Variants in SH2D4B observed in about 807,000 individuals in gnomAD.
SH2D4B encodes SH2 domain-containing protein 4B.
Under a neutral mutation model 61.5 loss-of-function variants are expected in SH2D4B, and 45 were observed. That is an observed-to-expected ratio of 0.73 (90% confidence interval 0.58 to 0.94). The LOEUF is 0.94. Among genes scored for constraint, SH2D4B ranks in the 40% least tolerant of loss-of-function variants. The pLI, the probability that SH2D4B is intolerant of heterozygous loss-of-function variation, is 0.00. For missense variants in SH2D4B, 572 were observed against 574.2 expected (o/e 1.00, Z 0.04); for synonymous variants, 224 against 220.4 (o/e 1.02, Z -0.14).
At chr10:80,631,715 A>G (rs1842836386) in intron 6 of SH2D4B, among the ~76,000 whole-genome samples, 1 of 152,210 alleles carries the variant, frequency 6.6e-6, no homozygotes, top group African/African-American at 2.4e-5. Flanking sequence ...AGAAAGACAA[A>G]TACCTCATGA....
At chr10:80,590,391 C>T (rs1327142225) in intron 4 of SH2D4B, among the ~76,000 whole-genome samples, 1 of 152,200 alleles carries the variant, frequency 6.6e-6, no homozygotes. Flanking sequence ...AAGCCCTTTA[C>T]TGTCCCTACG....
chr10:80,591,505 C>CT (rs763446349), intron 4 of SH2D4B, among the ~76,000 whole-genome samples: 33,410 of 108,660 alleles, frequency 0.31, 6,902 homozygotes, highest in African/African-American at 0.51. Flanking sequence ...GCCAAACTGG[C>CT]TTTTTTTTTT....
intron 6 of SH2D4B, among the ~76,000 whole-genome samples, chr10:80,611,162 C>T (rs983295752): frequency 7.2e-5 from 8 of 111,410 alleles, no homozygotes; most frequent in Non-Finnish European, 9.9e-5. Context: ...GCAACCAGAG[C>T]GAGACTCAGT....
chr10:80,552,124 C>T (rs1841769404), intron 1 of SH2D4B, among the ~76,000 whole-genome samples: 1 of 152,208 alleles, frequency 6.6e-6, no homozygotes, highest in African/African-American at 2.4e-5. Flanking sequence ...AATACCATTA[C>T]ACTGGGACTA....
intron 3 of SH2D4B, among the ~76,000 whole-genome samples, chr10:80,586,715 G>C (rs1842254890): frequency 6.6e-6 from 1 of 152,178 alleles, no homozygotes; most frequent in South Asian, 2.1e-4. Context: ...AGCCAGCAGT[G>C]GCAACGGGCT....
At chr10:80,608,439 C>T (rs1842546732) in intron 5 of SH2D4B, among the ~76,000 whole-genome samples, 1 of 152,172 alleles carries the variant, frequency 6.6e-6, no homozygotes, top group African/African-American at 2.4e-5. Flanking sequence ...TGATTTCATG[C>T]ACCATGGTGT....
intron 1 of SH2D4B, among the ~76,000 whole-genome samples, chr10:80,545,303 G>A (rs1841658593): frequency 1.3e-5 from 2 of 151,864 alleles, no homozygotes; most frequent in South Asian, 2.1e-4. Context: ...TTCTGTCTCC[G>A]CGAATTTGCC....
At chr10:80,594,669 G>A (rs553438374) in intron 4 of SH2D4B, among the ~76,000 whole-genome samples, 1 of 152,274 alleles carries the variant, frequency 6.6e-6, no homozygotes, top group African/African-American at 2.4e-5. Context: ...CACTTGTTAT[G>A]AACCTTTTTC....
chr10:80,547,423 A>G (rs922776875), intron 1 of SH2D4B, among the ~76,000 whole-genome samples: 1 of 152,138 alleles, frequency 6.6e-6, no homozygotes, highest in African/African-American at 2.4e-5. Context: ...CCCTTGGACT[A>G]TCTAGGGAGC....
intron 1 of SH2D4B, among the ~76,000 whole-genome samples, chr10:80,552,947 C>T (rs1453218888): frequency 6.6e-6 from 1 of 151,872 alleles, no homozygotes; most frequent in Non-Finnish European, 1.5e-5. Flanking sequence ...CGGAGTTTTG[C>T]TCTTGCTGCC....
chr10:80,611,198 A>C (rs1459850472), intron 6 of SH2D4B, among the ~76,000 whole-genome samples: 6 of 151,350 alleles, frequency 4.0e-5, no homozygotes, highest in Admixed American at 2.6e-4. Flanking sequence ...AAAAAAAAAA[A>C]AAAAACATTG....
At chr10:80,545,393 C>T (rs1038257398) in intron 1 of SH2D4B, among the ~76,000 whole-genome samples, 15 of 152,036 alleles carry the variant, frequency 9.9e-5, no homozygotes, top group African/African-American at 3.6e-4. Context: ...TTCTCCTCCT[C>T]CTCTCCTCTT....
At chr10:80,545,905 A>T (rs550629446) in intron 1 of SH2D4B, among the ~76,000 whole-genome samples, 1 of 152,348 alleles carries the variant, frequency 6.6e-6, no homozygotes, top group South Asian at 2.1e-4. Context: ...TTTGTTGTAG[A>T]GGCTGATATA....
At chr10:80,585,117 T>A (rs1486776371) in intron 3 of SH2D4B, among the ~76,000 whole-genome samples, 1 of 152,192 alleles carries the variant, frequency 6.6e-6, no homozygotes, top group Non-Finnish European at 1.5e-5. Flanking sequence ...CAGGTATAAC[T>A]TTTTTAGAGC....
rs1170092290 is a variant in SH2D4B, at chr10:80,570,258, G to C, written c.289G>C (p.Glu97Gln). 1 of 1,613,948 alleles carries C rather than the reference G, an allele frequency of 6.2e-7. No homozygotes were observed. The highest frequency in any genetic ancestry group is 1.3e-5 in the African/African-American group (1 of 74,920). The part of the protein sequence containing the change: ...PGDKPYEEIS[E>Q]ELIAERARLQ... Reference sequence around the variant, plus strand: ...TGACAAGCCCTACGAAGAGATCTCTGAGGAGCTGATTGCAGAGAGGGCGCG... The same window carrying C: ...TGACAAGCCCTACGAAGAGATCTCTCAGGAGCTGATTGCAGAGAGGGCGCG... Residue 97 changes from glutamate (E) to glutamine (Q), a missense_variant, in exon 2 of 8, where the codon GAG becomes CAG. Transcript: ENST00000646907.
intron 3 of SH2D4B, among the ~76,000 whole-genome samples, chr10:80,576,565 G>T (rs1410932392): frequency 6.6e-6 from 1 of 152,118 alleles, no homozygotes; most frequent in African/African-American, 2.4e-5. Flanking sequence ...TTTGCTGTGT[G>T]GAACTCTTCA....
chr10:80,639,884 G>A (rs746181438), intron 7 of SH2D4B, among the ~76,000 whole-genome samples: 4 of 152,146 alleles, frequency 2.6e-5, no homozygotes, highest in Non-Finnish European at 5.9e-5. Context: ...TCGTAGCATC[G>A]ATGGTCTTTA....
intron 3 of SH2D4B, among the ~76,000 whole-genome samples, chr10:80,575,742 T>A (rs11186128): frequency 1.3e-5 from 2 of 152,126 alleles, no homozygotes; most frequent in African/African-American, 4.8e-5. Flanking sequence ...GCCACTGCAC[T>A]CCAGCCTAGG....
At chr10:80,572,982 A>T (rs1186943797) in intron 3 of SH2D4B, among the ~76,000 whole-genome samples, 565 of 9,240 alleles carry the variant, frequency 0.061, 55 homozygotes, top group African/African-American at 0.22. Context: ...ATATATATAT[A>T]TATATTTTTT....
Sources: gnomAD v4.1 joint callset for allele counts (sites outside exome capture counted in the v4.1 genomes callset) on GRCh38, gnomAD v4.1.1 for gene constraint, MANE v1.5 for transcripts, NCBI Gene and HGNC (gene_info 2026-07-23, HGNC 2026-07-21) for gene names.